The following RPS6KA2 variants were observed in gnomAD, a reference collection of about 807,000 sequenced individuals.
The protein encoded by RPS6KA2 is ribosomal protein S6 kinase alpha-2.
RPS6KA2 carries 42 observed loss-of-function variants against 91.8 expected under a neutral mutation model. The observed-to-expected ratio is 0.46, with a 90% CI of 0.36 to 0.59. The LOEUF (loss-of-function observed/expected upper bound fraction) is 0.59. RPS6KA2 is among the 20% of genes least tolerant of loss of function. RPS6KA2 has a pLI of 0.00. For synonymous variants in RPS6KA2, 414 were observed against 393.6 expected, an observed-to-expected ratio of 1.05 and a Z score of -0.61; for missense variants, 798 against 978.5, an observed-to-expected ratio of 0.82 and a Z score of 2.46.
chr6:166,830,723 G>A (rs1070946), intron 2 of RPS6KA2, among the ~76,000 whole-genome samples: 104,299 of 151,934 alleles, frequency 0.69, 35,946 homozygotes, highest in Middle Eastern at 0.76. Flanking sequence ...CACACCAAGC[G>A]TCAGTCCTCT....
intron 1 of RPS6KA2, among the ~76,000 whole-genome samples, chr6:166,608,309 G>A (rs1428768691): frequency 6.6e-6 from 1 of 152,206 alleles, no homozygotes; most frequent in Non-Finnish European, 1.5e-5. Flanking sequence ...CTTAGCCACT[G>A]TATAGAACAG....
Position 166,745,496 on chromosome 6 carries a change from G to A in RPS6KA2, c.123+112704C>T, listed in dbSNP as rs149444594. Among the ~76,000 whole-genome samples the A allele has an allele frequency of 5.9e-4, 89 of 152,134 alleles. No homozygotes were observed. The East Asian group carries it at 0.013, about 22-fold the overall frequency. On this transcript the variant is annotated intron_variant, in intron 2 of 21. Transcript: ENST00000503859. ...AAGACACCAGTCAGATTGGACAAGGGCCCACCTTCAAGACCATTTTACCTT... is the reference window on the plus strand; with the variant it reads ...AAGACACCAGTCAGATTGGACAAGGACCCACCTTCAAGACCATTTTACCTT...
At position 166,439,392 on chromosome 6, in the gene RPS6KA2, GC is replaced by G. The variant is rs1459770829; in HGVS notation, c.1333-6903del. Reference sequence around the variant, plus strand: ...CAATGTGCTGGGATTACAGGCATGAGCCACCGTGCCCGGCCATATATTTTTC... The same window carrying G: ...CAATGTGCTGGGATTACAGGCATGAGCACCGTGCCCGGCCATATATTTTTC... On this transcript the variant is annotated intron_variant, in intron 14 of 20. Coordinates refer to ENST00000265678, the MANE Select transcript of RPS6KA2 (RefSeq NM_021135.6). 2.6e-5 allele frequency among the ~76,000 whole-genome samples: 4 copies of G among 152,220 alleles called. No homozygotes were observed. In the East Asian group the frequency reaches 5.8e-4, roughly 22 times the overall value.
Position 166,595,408 on chromosome 6 carries a change from A to G in RPS6KA2, c.99+31513T>C, listed in dbSNP as rs146752023. On this transcript the variant is annotated intron_variant, in intron 1 of 20. Coordinates refer to ENST00000265678, the MANE Select transcript of RPS6KA2 (RefSeq NM_021135.6). Reference sequence around the variant, plus strand: ...CCCTAAAGCTCTATGATGCTATTTCATAATTCCCAAAAAGCCAAGTTCAAC... The same window carrying G: ...CCCTAAAGCTCTATGATGCTATTTCGTAATTCCCAAAAAGCCAAGTTCAAC... Among the ~76,000 whole-genome samples, 5 of 152,340 alleles carry G rather than the reference A, an allele frequency of 3.3e-5. No individual in the cohort carries two copies. The East Asian group carries it at 9.6e-4, about 29-fold the overall frequency.
chr6:166,832,125 G>A (rs113824826), intron 2 of RPS6KA2, among the ~76,000 whole-genome samples: 3 of 152,240 alleles, frequency 2.0e-5, no homozygotes, highest in African/African-American at 4.8e-5. Context: ...TGTTATGACC[G>A]AGGAAGAATA....
Position 166,508,150 on chromosome 6 carries a change from G to T in RPS6KA2, c.459+53C>A. On this transcript the variant is annotated intron_variant, in intron 5 of 20. Transcript: ENST00000265678. This position sits in a 1 kb window ranked among gnomAD's most constrained non-coding sequence, Gnocchi z 4.3. ...TGCTCTCCACCCCTCCTCCCCTCGA[G>T]TCCCAGACAGAAGCTCCTGCCCGCC... The T allele has an allele frequency of 8.3e-7, 1 of 1,203,448 alleles. No individual in the cohort carries two copies. The highest frequency in any genetic ancestry group is 1.2e-6 in the Non-Finnish European group (1 of 813,068). 74.5% of individuals were successfully genotyped at this position (1,203,448 alleles called of 1,614,324 possible).
In RPS6KA2 at chr6:166,753,659, C is replaced by T. The variant is rs1052258564; in HGVS notation, c.123+104541G>A. Among the ~76,000 whole-genome samples, 8 of 152,184 alleles carry T rather than the reference C, an allele frequency of 5.3e-5. No individual in the cohort carries two copies. The East Asian group carries it at 1.5e-3, about 29-fold the overall frequency. On this transcript the variant is annotated intron_variant, in intron 2 of 21. Coordinates refer to the RPS6KA2 transcript ENST00000503859. ...GTTATTATGAAAGTTTGTCACCTCC[C>T]TACAAACACATCTTGACTGTTATTT... is the stretch of plus-strand genomic sequence containing the variant.
chr6:166,453,221 AC>A (rs1779974351), intron 12 of RPS6KA2, among the ~76,000 whole-genome samples: 1 of 146,912 alleles, frequency 6.8e-6, no homozygotes, highest in African/African-American at 2.5e-5. Flanking sequence ...ACACACACAC[AC>A]ACACACACAA....
At chr6:166,792,101 A>G (rs61213995) in intron 2 of RPS6KA2, among the ~76,000 whole-genome samples, 25,246 of 152,158 alleles carry the variant, frequency 0.17, 2,247 homozygotes, top group African/African-American at 0.21. Flanking sequence ...GAAAAGATCA[A>G]CAAAATTCAT....
intron 2 of RPS6KA2, among the ~76,000 whole-genome samples, chr6:166,822,551 T>C (rs1336884274): frequency 6.6e-6 from 1 of 152,174 alleles, no homozygotes; most frequent in Non-Finnish European, 1.5e-5. Flanking sequence ...GAGTCTGTGG[T>C]CCCTGTCAGG....
chr6:166,595,608 A>G (rs1785510621), intron 1 of RPS6KA2, among the ~76,000 whole-genome samples: 1 of 152,232 alleles, frequency 6.6e-6, no homozygotes, highest in Admixed American at 6.5e-5. Context: ...AGGCAGACAC[A>G]TATTTTTATG....
chr6:166,567,557 T>C (rs1784541001), intron 1 of RPS6KA2, among the ~76,000 whole-genome samples: 1 of 152,212 alleles, frequency 6.6e-6, no homozygotes, highest in African/African-American at 2.4e-5. Flanking sequence ...CACATCACGG[T>C]ACCAGGTTTC....
intron 2 of RPS6KA2, among the ~76,000 whole-genome samples, chr6:166,680,517 T>C (rs1284626947): frequency 1.3e-5 from 2 of 152,136 alleles, no homozygotes; most frequent in Non-Finnish European, 2.9e-5. Context: ...ACTTTTTGGG[T>C]CTGTGCCGCT....
chr6:166,730,531 T>G (rs7773974), intron 2 of RPS6KA2, among the ~76,000 whole-genome samples: 12,743 of 152,228 alleles, frequency 0.084, 1,782 homozygotes, highest in African/African-American at 0.29. Flanking sequence ...TACCTTAGAA[T>G]GCTGCGTGTC....
chr6:166,497,532 A>T (rs1408174598), intron 8 of RPS6KA2, among the ~76,000 whole-genome samples: 1 of 152,230 alleles, frequency 6.6e-6, no homozygotes, highest in East Asian at 1.9e-4. Context: ...GGGCACGTGG[A>T]ACACAGCCAG....
chr6:166,820,510 G>A (rs1399704661), intron 2 of RPS6KA2, among the ~76,000 whole-genome samples: 1 of 152,064 alleles, frequency 6.6e-6, no homozygotes, highest in African/African-American at 2.4e-5. Flanking sequence ...TTTGGTGGGT[G>A]GAAAAAATAG....
At chr6:166,858,791 G>T (rs1490960445) in intron 1 of RPS6KA2, among the ~76,000 whole-genome samples, 2 of 152,226 alleles carry the variant, frequency 1.3e-5, no homozygotes, top group African/African-American at 2.4e-5. Flanking sequence ...CAAGGTTTAA[G>T]TGGAACCATC....
chr6:166,707,207 G>C (rs1392051710), intron 2 of RPS6KA2, among the ~76,000 whole-genome samples: 1 of 152,238 alleles, frequency 6.6e-6, no homozygotes, highest in Non-Finnish European at 1.5e-5. Context: ...TGCCGGGGTT[G>C]CCGGGAAGGG....
In RPS6KA2 at chr6:166,547,195, C is replaced by T. The variant is rs912810831; in HGVS notation, c.100-8411G>A. On this transcript the variant is annotated intron_variant, in intron 1 of 20. Transcript: ENST00000265678. ...TGGGGTAAGAGAGGCCGGTGACGTG[C>T]GTCCTCCTCTCCAGCAGCTGAAATG... Among the ~76,000 whole-genome samples the T allele has an allele frequency of 2.6e-5, 4 of 152,316 alleles. No individual in the cohort carries two copies. In the South Asian group the frequency reaches 6.2e-4, roughly 24 times the overall value.
Sources: allele counts gnomAD v4.1 joint callset (sites outside exome capture counted in the v4.1 genomes callset), GRCh38; gene constraint gnomAD v4.1.1; non-coding constraint Gnocchi (gnomAD v3.1); transcripts MANE v1.5; gene names NCBI Gene and HGNC (gene_info 2026-07-23, HGNC 2026-07-21).